HTR1D: variants seen among roughly 807,000 people sequenced by gnomAD.
The protein encoded by HTR1D is 5-HT-1D.
A neutral mutation model predicts 21.1 loss-of-function variants in HTR1D; 18 were observed. That is an observed-to-expected ratio of 0.85 (90% CI 0.59 to 1.27). The LOEUF (loss-of-function observed/expected upper bound fraction) is 1.27. HTR1D is among the 50% of genes most tolerant of loss of function. The probability of loss-of-function intolerance (pLI) is 0.00; values close to 1 mark genes in which losing one functional copy is unlikely to be tolerated. For synonymous variants in HTR1D, 196 were observed against 204.4 expected (o/e 0.96, Z 0.35); for missense variants, 456 against 481.4 (o/e 0.95, Z 0.49).
chr1:23,198,373 A>G (rs1023914114), intron 1 of HTR1D, among the ~76,000 whole-genome samples: 1 of 149,530 alleles, frequency 6.7e-6, no homozygotes, highest in Non-Finnish European at 1.5e-5. Flanking sequence ...CTCAAAAAAA[A>G]AAAAAAAAAA....
chr1:23,195,697 A>G (rs902194456), intron 1 of HTR1D, among the ~76,000 whole-genome samples: 24 of 152,150 alleles, frequency 1.6e-4, no homozygotes, highest in African/African-American at 5.3e-4. Context: ...CGGCCGCCCA[A>G]AGTGCTGGGA....
chr1:23,193,085 A>G lies in HTR1D; in HGVS notation c.*1T>C. The G allele has an allele frequency of 6.3e-7, 1 of 1,599,392 alleles. No homozygotes were observed. On this transcript the variant is annotated 3_prime_UTR_variant, in exon 2 of 2. Transcript: ENST00000374619. ...ATAACAAGAGTCATCACCGAATAAG[A>G]CTAGGAGGCCTTCCGGAAAGGGACA... is the stretch of plus-strand genomic sequence containing the variant.
At chr1:23,200,910 G>A (rs931312034) in intron 1 of HTR1D, among the ~76,000 whole-genome samples, 1 of 152,012 alleles carries the variant, frequency 6.6e-6, no homozygotes. Flanking sequence ...GACCTTTCTC[G>A]GCCCCCACCT....
chr1:23,213,273 A>G (rs1644760938), intron 1 of HTR1D, among the ~76,000 whole-genome samples: 1 of 152,086 alleles, frequency 6.6e-6, no homozygotes, highest in African/African-American at 2.4e-5. Flanking sequence ...TCATGAGGTC[A>G]GATCAAGACC....
chr1:23,195,379 TG>T (rs9282707), intron 1 of HTR1D, among the ~76,000 whole-genome samples: 53,196 of 150,846 alleles, frequency 0.35, 9,822 homozygotes, highest in African/African-American at 0.47. Context: ...CTACAAAGTA[TG>T]GGGGGGGGTG....
At chr1:23,210,410 G>A (rs1041619948) in intron 1 of HTR1D, among the ~76,000 whole-genome samples, 4 of 152,188 alleles carry the variant, frequency 2.6e-5, no homozygotes, top group Non-Finnish European at 5.9e-5. Context: ...CTCAGGTGAT[G>A]CCTGCCACAC....
At position 23,194,468 on chromosome 1, in the gene HTR1D, A is replaced by G. The variant is rs1644677271; in HGVS notation, c.-249T>C. ...CTATTTGAAGAATGCTGAGACAACTACCAGCTGGTAGTTAAAGGTCTTTCC... is the reference window on the plus strand; with the variant it reads ...CTATTTGAAGAATGCTGAGACAACTGCCAGCTGGTAGTTAAAGGTCTTTCC... On this transcript the variant is annotated 5_prime_UTR_variant, in exon 2 of 2. Transcript: ENST00000374619. 3.9e-6 allele frequency: 1 copy of G among 256,322 alleles called. No homozygotes were observed. The highest frequency in any genetic ancestry group is 8.2e-5 in the East Asian group (1 of 12,134). 15.9% of individuals were successfully genotyped at this position (256,322 alleles called of 1,614,324 possible).
At chr1:23,216,978 G>A (rs1212780967) in intron 1 of HTR1D, among the ~76,000 whole-genome samples, 2 of 151,952 alleles carry the variant, frequency 1.3e-5, no homozygotes, top group Non-Finnish European at 2.9e-5. Flanking sequence ...TCCCCGGCCC[G>A]GGGGTGCTTC....
In HTR1D at chr1:23,192,136, A is replaced by C. The variant is rs542773585; in HGVS notation, c.*950T>G. 6.6e-6 allele frequency: 1 copy of C among 152,262 alleles called. No individual in the cohort carries two copies. Among genetic ancestry groups the C allele is most frequent in the East Asian group, 1.9e-4 (1 of 5,174 alleles). 9.4% of individuals were successfully genotyped at this position (152,262 alleles called of 1,614,324 possible). On this transcript the variant is annotated 3_prime_UTR_variant, in exon 2 of 2. Coordinates refer to ENST00000374619, the MANE Select transcript of HTR1D (RefSeq NM_000864.5). ...GGCGCAGGCATATTGGGGAAGAAGGAAGGGTACAGGGTAGTCAATCTGGTC... is the reference window on the plus strand; with the variant it reads ...GGCGCAGGCATATTGGGGAAGAAGGCAGGGTACAGGGTAGTCAATCTGGTC...
intron 1 of HTR1D, among the ~76,000 whole-genome samples, chr1:23,204,756 G>T (rs575641419): frequency 6.6e-6 from 1 of 152,282 alleles, no homozygotes; most frequent in East Asian, 1.9e-4. Flanking sequence ...TGGGCTATGC[G>T]CACTGGTCCC....
At chr1:23,211,337 T>C (rs1644752657) in intron 1 of HTR1D, among the ~76,000 whole-genome samples, 1 of 152,182 alleles carries the variant, frequency 6.6e-6, no homozygotes, top group South Asian at 2.1e-4. Flanking sequence ...ACCACAGATA[T>C]GATGAGGATA....
At chr1:23,199,686 T>C (rs908679945) in intron 1 of HTR1D, among the ~76,000 whole-genome samples, 11 of 152,070 alleles carry the variant, frequency 7.2e-5, no homozygotes, top group African/African-American at 2.4e-4. Flanking sequence ...GAATGATGTA[T>C]TTGTGATTTT....
At chr1:23,208,580 A>G (rs1644741183) in intron 1 of HTR1D, among the ~76,000 whole-genome samples, 1 of 152,116 alleles carries the variant, frequency 6.6e-6, no homozygotes. Context: ...TCAAAAGAAA[A>G]AAAAAAGAAA....
intron 1 of HTR1D, among the ~76,000 whole-genome samples, chr1:23,216,952 TC>T (rs1400091944): frequency 1.3e-5 from 2 of 151,886 alleles, no homozygotes; most frequent in Non-Finnish European, 2.9e-5. Flanking sequence ...CCGGGGCCCC[TC>T]GGGGGGCGTC....
chr1:23,214,003 C>T (rs571993594), intron 1 of HTR1D, among the ~76,000 whole-genome samples: 13 of 152,334 alleles, frequency 8.5e-5, no homozygotes, highest in South Asian at 4.1e-4. Flanking sequence ...GCTGGAAGTT[C>T]CTTGAAGATT....
intron 1 of HTR1D, among the ~76,000 whole-genome samples, chr1:23,209,588 A>G (rs1050569149): frequency 2.0e-5 from 3 of 152,164 alleles, no homozygotes; most frequent in African/African-American, 7.2e-5. Context: ...AGAGTTTACT[A>G]TCTGCCAGGC....
At chr1:23,210,289 G>A (rs924743062) in intron 1 of HTR1D, among the ~76,000 whole-genome samples, 62 of 152,290 alleles carry the variant, frequency 4.1e-4, no homozygotes, top group African/African-American at 1.5e-3. Context: ...TGTTGGCCAG[G>A]CTGGTCTCGA....
In HTR1D at chr1:23,207,037, G is replaced by A. The variant is rs192870898; in HGVS notation, c.-783+10254C>T. Among the ~76,000 whole-genome samples the A allele has an allele frequency of 1.0e-3, 158 of 152,286 alleles. 1 individual carries two copies. The highest frequency in any genetic ancestry group is 3.4e-3 in the African/African-American group (142 of 41,572). On this transcript the variant is annotated intron_variant, in intron 1 of 1. Coordinates refer to ENST00000374619, the MANE Select transcript of HTR1D (RefSeq NM_000864.5). ...GCCTCAGTTTCTCCAACTTGAAAAT[G>A]AGGTAGTTGGACCAGATCAGAGATT...
intron 1 of HTR1D, among the ~76,000 whole-genome samples, chr1:23,212,758 C>T (rs10399961): frequency 0.037 from 5,682 of 152,152 alleles, 362 homozygotes; most frequent in African/African-American, 0.13. Flanking sequence ...TTGGTCATCC[C>T]TCCTTTATGT....
Sources: allele counts gnomAD v4.1 joint callset (sites outside exome capture counted in the v4.1 genomes callset), GRCh38; gene constraint gnomAD v4.1.1; transcripts MANE v1.5; gene names NCBI Gene and HGNC (gene_info 2026-07-23, HGNC 2026-07-21).